FRMD4A: variants seen among roughly 807,000 people sequenced by gnomAD.
FRMD4A encodes the protein FERM domain containing 4A.
In FRMD4A, 29 loss-of-function variants were observed where a neutral mutation model predicts 129.1. That is an observed-to-expected ratio of 0.22 (90% CI 0.17 to 0.31). FRMD4A has a LOEUF of 0.31. Ranked by LOEUF, FRMD4A falls within the 10% of genes least tolerant of loss-of-function variation. FRMD4A has a pLI of 1.00. For synonymous variants in FRMD4A, 634 were observed against 571.6 expected (o/e 1.11, Z -1.56); for missense variants, 1,272 against 1,375.8 (o/e 0.92, Z 1.19).
chr10:13,973,501 T>A (rs1274940209), intron 2 of FRMD4A, among the ~76,000 whole-genome samples: 1 of 152,202 alleles, frequency 6.6e-6, no homozygotes, highest in African/African-American at 2.4e-5. Flanking sequence ...TAATGTAAAC[T>A]CTTTTTTGGA....
chr10:13,971,188 G>T (rs530750679), intron 2 of FRMD4A, among the ~76,000 whole-genome samples: 1 of 152,194 alleles, frequency 6.6e-6, no homozygotes, highest in Non-Finnish European at 1.5e-5. Context: ...GCACACGCAC[G>T]CACACATGCA....
At chr10:13,958,973 G>A (rs1266906891) in intron 2 of FRMD4A, among the ~76,000 whole-genome samples, 1 of 152,240 alleles carries the variant, frequency 6.6e-6, no homozygotes, top group Non-Finnish European at 1.5e-5. Context: ...TGATGGAAGA[G>A]AAGGGATTAC....
At chr10:13,890,243 T>C (rs183088616) in intron 2 of FRMD4A, among the ~76,000 whole-genome samples, 264 of 152,326 alleles carry the variant, frequency 1.7e-3, no homozygotes, top group African/African-American at 6.0e-3. Context: ...CAATGAAATG[T>C]GTCTTCCTCT....
rs1343089127 is a variant in FRMD4A at position 14,176,562 on chromosome 10, C to T, written c.45+153496G>A. ...CAATCTCAGCTCACTGCTATCTCCG[C>T]CTCCCAGGTTCATGTGATTCTTCTG... On this transcript the variant is annotated intron_variant, in intron 2 of 24. Transcript: ENST00000357447. 2.6e-5 allele frequency among the ~76,000 whole-genome samples: 4 copies of T among 151,038 alleles called. No homozygotes were observed. In the East Asian group the frequency reaches 7.8e-4, roughly 29 times the overall value.
intron 4 of FRMD4A, among the ~76,000 whole-genome samples, chr10:13,808,903 C>A (rs979751124): frequency 2.6e-5 from 4 of 152,212 alleles, no homozygotes; most frequent in African/African-American, 4.8e-5. Context: ...CACTGCCCCC[C>A]ACAGAGCCTC....
At chr10:13,815,924 C>T (rs1229990410) in intron 3 of FRMD4A, among the ~76,000 whole-genome samples, 1 of 152,160 alleles carries the variant, frequency 6.6e-6, no homozygotes, top group Non-Finnish European at 1.5e-5. Flanking sequence ...TTTGCCTTAC[C>T]ATGGTGATAT....
chr10:13,795,070 C>T (rs915843907), intron 5 of FRMD4A, among the ~76,000 whole-genome samples: 4 of 152,184 alleles, frequency 2.6e-5, no homozygotes, highest in African/African-American at 9.7e-5. Context: ...AGGATTTTCT[C>T]CTCTTGGCTA....
chr10:14,304,655 T>G (rs1326369699), intron 2 of FRMD4A, among the ~76,000 whole-genome samples: 2 of 152,084 alleles, frequency 1.3e-5, no homozygotes, highest in Non-Finnish European at 2.9e-5. Flanking sequence ...TGTGGAAGGG[T>G]CTGTCTATGT....
At chr10:13,922,679 A>G (rs2095086792) in intron 2 of FRMD4A, among the ~76,000 whole-genome samples, 1 of 152,208 alleles carries the variant, frequency 6.6e-6, no homozygotes, top group African/African-American at 2.4e-5. Flanking sequence ...TCTGACTAGA[A>G]AATGCCAAAA....
At chr10:14,095,435 A>G (rs1456433010) in intron 2 of FRMD4A, among the ~76,000 whole-genome samples, 1 of 152,240 alleles carries the variant, frequency 6.6e-6, no homozygotes, top group African/African-American at 2.4e-5. Flanking sequence ...TGCCATTTTT[A>G]TTGTAATTTA....
intron 6 of FRMD4A, among the ~76,000 whole-genome samples, chr10:13,777,959 C>T (rs1328320893): frequency 3.3e-5 from 5 of 151,864 alleles, no homozygotes; most frequent in African/African-American, 9.7e-5. Context: ...CCTGCCACCA[C>T]GCCCGGCTAA....
intron 2 of FRMD4A, among the ~76,000 whole-genome samples, chr10:14,140,687 C>T (rs1839790936): frequency 6.6e-6 from 1 of 152,172 alleles, no homozygotes; most frequent in Admixed American, 6.5e-5. Flanking sequence ...GACCTATTCT[C>T]TTTATGGATC....
At chr10:14,053,668 G>T (rs1271133367) in intron 2 of FRMD4A, among the ~76,000 whole-genome samples, 1 of 152,080 alleles carries the variant, frequency 6.6e-6, no homozygotes, top group Non-Finnish European at 1.5e-5. Context: ...TCTTTGACTT[G>T]GAAGGAAGGT....
chr10:13,680,444 AG>A (rs2084448019), intron 15 of FRMD4A, among the ~76,000 whole-genome samples: 1 of 151,900 alleles, frequency 6.6e-6, no homozygotes, highest in African/African-American at 2.4e-5. Flanking sequence ...TAAAAAAAAA[AG>A]GGCTGGGTGT....
chr10:13,772,022 C>G (rs2092469136), intron 6 of FRMD4A, among the ~76,000 whole-genome samples: 1 of 151,208 alleles, frequency 6.6e-6, no homozygotes, highest in Admixed American at 6.6e-5. Flanking sequence ...GAGGCTGAGG[C>G]AAGAGAATTG....
intron 3 of FRMD4A, among the ~76,000 whole-genome samples, chr10:13,856,027 T>TATC (rs1250593995): frequency 4.0e-5 from 6 of 148,152 alleles, no homozygotes; most frequent in African/African-American, 1.5e-4. Flanking sequence ...TCTATCTATC[T>TATC]ATCTATCTAT....
chr10:13,774,752 C>T (rs992385289), intron 6 of FRMD4A, among the ~76,000 whole-genome samples: 1 of 152,060 alleles, frequency 6.6e-6, no homozygotes, highest in Non-Finnish European at 1.5e-5. Flanking sequence ...AGACCAGGGC[C>T]AGCAGACAAC....
At chr10:13,678,564 C>T (rs1589328277) in intron 15 of FRMD4A, among the ~76,000 whole-genome samples, 1 of 152,238 alleles carries the variant, frequency 6.6e-6, no homozygotes, top group Admixed American at 6.5e-5. Context: ...AATAGGTCAA[C>T]CCTCAAACTA....
chr10:13,968,991 T>C (rs1041171133), intron 2 of FRMD4A, among the ~76,000 whole-genome samples: 4 of 152,214 alleles, frequency 2.6e-5, no homozygotes, highest in Non-Finnish European at 4.4e-5. Context: ...CCATGTATTA[T>C]TACAGATATG....
Sources: gnomAD v4.1 joint callset for allele counts (sites outside exome capture counted in the v4.1 genomes callset) on GRCh38, gnomAD v4.1.1 for gene constraint, MANE v1.5 for transcripts, NCBI Gene and HGNC (gene_info 2026-07-23, HGNC 2026-07-21) for gene names.